Variants in ZRANB3 observed in about 807,000 individuals in gnomAD.
The protein encoded by ZRANB3 is zinc finger RANBP2-type containing 3.
Under a neutral mutation model 133.8 loss-of-function variants are expected in ZRANB3, and 125 were observed. The ratio of observed to expected loss-of-function variants is 0.93; its 90% CI spans 0.81 to 1.08. The LOEUF is 1.08. ZRANB3 is among the 50% of genes least tolerant of loss of function. ZRANB3 has a pLI of 0.00. For synonymous variants in ZRANB3, 387 were observed against 432.7 expected, an observed-to-expected ratio of 0.89 and a Z score of 1.31; for missense variants, 1,229 against 1,275.5, an observed-to-expected ratio of 0.96 and a Z score of 0.56.
intron 2 of ZRANB3, among the ~76,000 whole-genome samples, chr2:135,467,691 T>C (rs114712928): frequency 7.9e-5 from 12 of 152,316 alleles, no homozygotes; most frequent in African/African-American, 2.6e-4. Flanking sequence ...CAAACAAAAA[T>C]GCCTCCTTGG....
In ZRANB3 at chr2:135,217,485, G is replaced by C; in HGVS notation, c.2475C>G (p.Thr825=). The C allele has an allele frequency of 6.2e-7, 1 of 1,608,568 alleles. No homozygotes were observed. The part of the protein sequence containing the change: ...LALEEITKQQ[T]KQNCTKRYIT... ...CATACCTTTTGGTGCAATTTTGTTTGGTTTGTTGCTTTGTGATCTCTTCCA... is the reference window on the plus strand; with the variant it reads ...CATACCTTTTGGTGCAATTTTGTTTCGTTTGTTGCTTTGTGATCTCTTCCA... Residue 825 remains threonine (T), a synonymous_variant, in exon 17 of 21, where the codon ACC becomes ACG. Transcript: ENST00000264159.
At chr2:135,322,568 A>G (rs1683581479) in intron 6 of ZRANB3, among the ~76,000 whole-genome samples, 1 of 151,922 alleles carries the variant, frequency 6.6e-6, no homozygotes, top group South Asian at 2.1e-4. Flanking sequence ...ATGAAAAACA[A>G]TTAGCTGAGT....
At chr2:135,484,057 G>A (rs1691975744) in intron 2 of ZRANB3, among the ~76,000 whole-genome samples, 1 of 152,148 alleles carries the variant, frequency 6.6e-6, no homozygotes, top group Non-Finnish European at 1.5e-5. Context: ...TGGAATAGGT[G>A]TGGTGTGGTG....
intron 17 of ZRANB3, among the ~76,000 whole-genome samples, chr2:135,211,178 G>A (rs1435697068): frequency 3.9e-5 from 6 of 152,052 alleles, no homozygotes; most frequent in African/African-American, 1.4e-4. Flanking sequence ...ACAATTAAGT[G>A]CATTAACAGT....
chr2:135,265,949 C>A (rs1335550548), intron 11 of ZRANB3, among the ~76,000 whole-genome samples: 4 of 152,164 alleles, frequency 2.6e-5, no homozygotes, highest in Non-Finnish European at 1.5e-5. Context: ...GTGGCTCATG[C>A]CTGTAATCCC....
Position 135,208,941 on chromosome 2 carries a change from C to G in ZRANB3, c.2533G>C (p.Asp845His). The G allele has an allele frequency of 6.2e-7, 1 of 1,613,920 alleles. No homozygotes were observed. The highest frequency in any genetic ancestry group is 1.1e-5 in the South Asian group (1 of 91,060). Residue 845 changes from aspartate to histidine, a missense_variant, in exon 18 of 21, where the codon GAC (aspartate) becomes CAC (histidine). Transcript: ENST00000264159. ...TKEDVAVASM[D>H]KVKNVGGHVR... ...TGGCCCCCAACATTCTTCACTTTGT[C>G]CATTGAGGCTACGGCAACATCTTCT...
chr2:135,466,500 G>A (rs912201370), intron 2 of ZRANB3, among the ~76,000 whole-genome samples: 4 of 151,850 alleles, frequency 2.6e-5, no homozygotes, highest in African/African-American at 9.7e-5. Context: ...ATGGTGTGGT[G>A]GAAAGACAGT....
At chr2:135,373,475 C>A (rs1686273511) in intron 3 of ZRANB3, among the ~76,000 whole-genome samples, 1 of 152,008 alleles carries the variant, frequency 6.6e-6, no homozygotes, top group Non-Finnish European at 1.5e-5. Context: ...AAGAACTACA[C>A]AGAAATAGTA....
chr2:135,489,816 A>C (rs994284765), intron 2 of ZRANB3, among the ~76,000 whole-genome samples: 1 of 152,062 alleles, frequency 6.6e-6, no homozygotes, highest in African/African-American at 2.4e-5. Context: ...AAAGAGAAAA[A>C]AACAAGTGAT....
At chr2:135,277,896 G>A (rs577336128) in intron 8 of ZRANB3, among the ~76,000 whole-genome samples, 2 of 148,470 alleles carry the variant, frequency 1.3e-5, no homozygotes, top group Admixed American at 6.7e-5. Flanking sequence ...CTGCTCTCCA[G>A]CCTGGGCAAC....
intron 2 of ZRANB3, among the ~76,000 whole-genome samples, chr2:135,468,164 T>C (rs984223988): frequency 2.0e-5 from 3 of 152,202 alleles, no homozygotes; most frequent in Non-Finnish European, 4.4e-5. Context: ...AAGTACTACT[T>C]GATAAATGCT....
At position 135,419,033 on chromosome 2, in the gene ZRANB3, G is replaced by T. The variant is rs1215784406; in HGVS notation, c.162-28213C>A. On this transcript the variant is annotated intron_variant, in intron 2 of 20. Transcript: ENST00000264159. The stretch of plus-strand genomic sequence containing the variant: ...GCTCGCTGCAATCTCTGCCTCCCGG[G>T]TTCACGCCATTCTCCTGTCTCAGCC... Among the ~76,000 whole-genome samples, 3 of 146,064 alleles carry T rather than the reference G, an allele frequency of 2.1e-5. No homozygotes were observed. In the Admixed American group the frequency reaches 2.1e-4, roughly 10 times the overall value.
chr2:135,358,345 T>C (rs1407213776), intron 3 of ZRANB3, among the ~76,000 whole-genome samples: 2 of 152,156 alleles, frequency 1.3e-5, no homozygotes, highest in Non-Finnish European at 2.9e-5. Context: ...GTTTGGGAAG[T>C]AGACAGAATA....
chr2:135,321,966 G>A (rs916058018), intron 6 of ZRANB3, among the ~76,000 whole-genome samples: 3 of 151,762 alleles, frequency 2.0e-5, no homozygotes, highest in African/African-American at 7.3e-5. Flanking sequence ...GTCTTTTATC[G>A]TTCATGAAGT....
At chr2:135,383,723 G>T (rs537235661) in intron 3 of ZRANB3, among the ~76,000 whole-genome samples, 2 of 152,256 alleles carry the variant, frequency 1.3e-5, no homozygotes, top group African/African-American at 4.8e-5. Context: ...CGTGGAAACT[G>T]AACAACCTGC....
chr2:135,398,522 T>A (rs1687598148), intron 2 of ZRANB3, among the ~76,000 whole-genome samples: 1 of 82,496 alleles, frequency 1.2e-5, no homozygotes, highest in Non-Finnish European at 1.9e-5. Context: ...CTTTTGTCAC[T>A]TTTTTTTTTT....
At chr2:135,464,090 T>C (rs190000353) in intron 2 of ZRANB3, among the ~76,000 whole-genome samples, 208 of 152,324 alleles carry the variant, frequency 1.4e-3, no homozygotes, top group African/African-American at 4.8e-3. Context: ...GGATGTGCTA[T>C]GGTCAATTTC....
chr2:135,416,295 G>C (rs572645404), intron 2 of ZRANB3, among the ~76,000 whole-genome samples: 17 of 152,192 alleles, frequency 1.1e-4, no homozygotes, highest in African/African-American at 3.4e-4. Context: ...AAAATCACAA[G>C]CATTCTTATA....
chr2:135,389,054 G>A (rs1687108056), intron 3 of ZRANB3, among the ~76,000 whole-genome samples: 1 of 152,124 alleles, frequency 6.6e-6, no homozygotes, highest in South Asian at 2.1e-4. Flanking sequence ...CTCCAGTCTG[G>A]GCGACAGAGC....
Sources: allele counts gnomAD v4.1 joint callset (sites outside exome capture counted in the v4.1 genomes callset), GRCh38; gene constraint gnomAD v4.1.1; transcripts MANE v1.5; gene names NCBI Gene and HGNC (gene_info 2026-07-23, HGNC 2026-07-21).